The following TG variants were observed in gnomAD, a reference collection of about 807,000 sequenced individuals.
TG encodes the protein thyroid hormones.
Under a neutral mutation model 324.7 loss-of-function variants are expected in TG, and 270 were observed. That is an observed-to-expected ratio of 0.83 (90% CI 0.75 to 0.92). The LOEUF is 0.92. TG is among the 40% of genes least tolerant of loss of function. TG has a pLI of 0.00. For synonymous variants in TG, 1,401 were observed against 1,327.0 expected (o/e 1.06, Z -1.21); for missense variants, 3,591 against 3,456.4 (o/e 1.04, Z -0.98).
intron 27 of TG, among the ~76,000 whole-genome samples, chr8:132,954,728 T>A (rs1826600267): frequency 6.6e-6 from 1 of 152,160 alleles, no homozygotes; most frequent in South Asian, 2.1e-4. Context: ...ACTCATCATC[T>A]AAGACCTGGA....
intron 28 of TG, among the ~76,000 whole-genome samples, chr8:132,961,643 A>G (rs1827776184): frequency 6.6e-6 from 1 of 152,184 alleles, no homozygotes; most frequent in African/African-American, 2.4e-5. Context: ...GGAAAATGAA[A>G]GGCATTTAGG....
At position 133,116,732 on chromosome 8, in the gene TG, G is replaced by C; in HGVS notation, c.7862+16G>C. On this transcript the variant is annotated intron_variant, in intron 45 of 47. Transcript: ENST00000220616. ...GCCATGGCAGGTAAGACGCTGCAGG[G>C]AAGCAGAGAAAGGAAGGTAAAACCG... 1.9e-6 allele frequency: 3 copies of C among 1,608,170 alleles called. No individual in the cohort carries two copies. The highest frequency in any genetic ancestry group is 2.7e-5 in the African/African-American group (2 of 74,844).
intron 35 of TG, among the ~76,000 whole-genome samples, chr8:132,984,732 A>C (rs1831307090): frequency 6.6e-6 from 1 of 152,192 alleles, no homozygotes; most frequent in South Asian, 2.1e-4. Flanking sequence ...TCACGAGATC[A>C]GGAGTTCGAG....
chr8:132,971,732 C>A, intron 32 of TG, 62 bp from the exon 33 acceptor site: 1 of 1,188,482 alleles, frequency 8.4e-7, no homozygotes, highest in Non-Finnish European at 1.3e-6. Context: ...CATCAGCCCA[C>A]CCAGTAGGTC....
chr8:133,124,471 C>T (rs1407418738), intron 45 of TG, among the ~76,000 whole-genome samples: 3 of 152,188 alleles, frequency 2.0e-5, no homozygotes, highest in East Asian at 1.9e-4. Context: ...ACAGCACATC[C>T]TTTGAGACTA....
At chr8:132,965,414 A>G (rs1177594375) in intron 29 of TG, among the ~76,000 whole-genome samples, 1 of 152,234 alleles carries the variant, frequency 6.6e-6, no homozygotes, top group East Asian at 1.9e-4. Context: ...GGCTGCTGAC[A>G]AGCACTACAA....
rs776246998 is a variant in TG at position 132,871,294 on chromosome 8, G to GC, written c.275-49dup. On this transcript the variant is annotated intron_variant, in intron 3 of 47. Coordinates refer to ENST00000220616, the MANE Select transcript of TG (RefSeq NM_003235.5). ...GGGAGCATGAGTTTTCCTGGGCTCTGCCCCCTGGAAATTTCCCTGCAGTTC... is the reference window on the plus strand; with the variant it reads ...GGGAGCATGAGTTTTCCTGGGCTCTGCCCCCCTGGAAATTTCCCTGCAGTTC... 7 of 1,587,630 alleles carry GC rather than the reference G, an allele frequency of 4.4e-6. No homozygotes were observed. In the African/African-American group the frequency reaches 6.7e-5, roughly 15 times the overall value.
intron 47 of TG, among the ~76,000 whole-genome samples, chr8:133,133,950 T>C (rs561328574): frequency 6.6e-6 from 1 of 152,296 alleles, no homozygotes; most frequent in South Asian, 2.1e-4. Flanking sequence ...ACATCAGGGC[T>C]TCCAGCCTAG....
chr8:132,887,319 AAG>A lies in TG; in HGVS notation c.1950_1951del (p.Arg650SerfsTer13). 6.2e-7 allele frequency: 1 copy of A among 1,608,818 alleles called. No individual in the cohort carries two copies. Among genetic ancestry groups the A allele is most frequent in the Non-Finnish European group, 8.5e-7 (1 of 1,175,884 alleles). On this transcript the variant is annotated frameshift_variant, in exon 9 of 48. Coordinates refer to ENST00000220616, the MANE Select transcript of TG (RefSeq NM_003235.5). LOFTEE classifies it high-confidence loss of function. ...CCTGGGGCAAAGAGCTTCCAGGCTCAAGAGTCAGAGGTGGACAGCCAAGGTGC... is the reference window on the plus strand; with the variant it reads ...CCTGGGGCAAAGAGCTTCCAGGCTCAAGTCAGAGGTGGACAGCCAAGGTGC... ...NSWGKELPGS[R>X]VRGGQPRCPT...
At chr8:132,871,614 G>C in intron 4 of TG, 63 bp downstream of exon 4, 1 of 1,532,828 alleles carries the variant, frequency 6.5e-7, no homozygotes, top group Non-Finnish European at 8.9e-7. Flanking sequence ...TCCTCACTGC[G>C]ATCCAACACA....
intron 41 of TG, among the ~76,000 whole-genome samples, chr8:133,059,900 G>T (rs564014127): frequency 2.3e-4 from 35 of 152,316 alleles, no homozygotes; most frequent in Admixed American, 6.5e-4. Flanking sequence ...ACACCCTTCA[G>T]GTGCGCCGAG....
At chr8:132,962,240 T>C (rs1827865331) in intron 28 of TG, among the ~76,000 whole-genome samples, 1 of 152,094 alleles carries the variant, frequency 6.6e-6, no homozygotes, top group African/African-American at 2.4e-5. Context: ...ATGTACTTCT[T>C]TTCTCATTTA....
chr8:133,115,878 G>T lies in TG; in HGVS notation c.7755-731G>T, dbSNP rs570052949. Among the ~76,000 whole-genome samples the T allele has an allele frequency of 1.2e-4, 19 of 152,308 alleles. 1 individual carries two copies. The highest frequency in any genetic ancestry group is 1.0e-3 in the South Asian group (5 of 4,830). ...AAATCGATTCATGCTACCCTCAAAG[G>T]CAGAGCAAATATATAACTTAGGGAG... On this transcript the variant is annotated intron_variant, in intron 44 of 47. Coordinates refer to ENST00000220616, the MANE Select transcript of TG (RefSeq NM_003235.5).
chr8:132,915,120 G>T (rs995532621), intron 20 of TG, among the ~76,000 whole-genome samples: 1 of 152,190 alleles, frequency 6.6e-6, no homozygotes, highest in East Asian at 1.9e-4. Flanking sequence ...TTGTGTGTGT[G>T]CATGTTGGGA....
intron 5 of TG, among the ~76,000 whole-genome samples, chr8:132,879,079 C>T (rs748468086): frequency 6.6e-6 from 1 of 152,206 alleles, no homozygotes; most frequent in Non-Finnish European, 1.5e-5. Context: ...CTGACAGTAG[C>T]AGAATAACAG....
At chr8:133,131,622 A>G (rs924364169) in intron 45 of TG, among the ~76,000 whole-genome samples, 190 bp from the exon 46 acceptor site, 5 of 152,222 alleles carry the variant, frequency 3.3e-5, no homozygotes, top group African/African-American at 1.2e-4. Context: ...TCTCCCCGCA[A>G]GGGGCCACTG....
At chr8:133,094,163 A>G (rs1175753534) in intron 41 of TG, among the ~76,000 whole-genome samples, 1 of 152,012 alleles carries the variant, frequency 6.6e-6, no homozygotes. Context: ...CAATTCTACC[A>G]AAAGTCCGGG....
intron 35 of TG, chr8:133,002,263 G>A: frequency 1.0e-6 from 1 of 985,432 alleles, no homozygotes; most frequent in Non-Finnish European, 1.2e-6. Flanking sequence ...CCTGTGGGGT[G>A]CATGCAGCTC....
chr8:133,024,661 TTTGG>T (rs1439003490), intron 40 of TG, among the ~76,000 whole-genome samples: 1 of 151,680 alleles, frequency 6.6e-6, no homozygotes, highest in Non-Finnish European at 1.5e-5. Flanking sequence ...ACATGTGGTG[TTTGG>T]TTTTCTGTTC....
Sources: allele counts gnomAD v4.1 joint callset (sites outside exome capture counted in the v4.1 genomes callset), GRCh38; gene constraint gnomAD v4.1.1; transcripts MANE v1.5; gene names NCBI Gene and HGNC (gene_info 2026-07-23, HGNC 2026-07-21).